Variants in LRRTM4 observed in about 807,000 individuals in gnomAD.
LRRTM4 encodes leucine-rich repeat transmembrane neuronal protein 4.
In LRRTM4, 25 loss-of-function variants were observed where a neutral mutation model predicts 47.6. The observed-to-expected ratio is 0.53, with a 90% CI of 0.38 to 0.73. LRRTM4 has a LOEUF of 0.73. LRRTM4 is among the 30% of genes least tolerant of loss of function. The probability of loss-of-function intolerance (pLI) is 0.00; values close to 1 mark genes in which losing one functional copy is unlikely to be tolerated. For synonymous variants in LRRTM4, 311 were observed against 269.5 expected (o/e 1.15, Z -1.51); for missense variants, 638 against 713.4 (o/e 0.89, Z 1.20).
rs1355344280 is a variant in LRRTM4 at position 76,954,004 on chromosome 2, T to A, written c.1552-205088A>T. Among the ~76,000 whole-genome samples the A allele has an allele frequency of 2.6e-5, 4 of 151,808 alleles. No homozygotes were observed. The South Asian group carries it at 8.3e-4, about 31-fold the overall frequency. ...AAGCCTCTTCAACAGAGAAACTACG[T>A]GCACAAGCCTGGAGAAAAGACCACA... On this transcript the variant is annotated intron_variant, in intron 3 of 3. Transcript: ENST00000409884.
chr2:77,223,985 C>A (rs1558641709), intron 3 of LRRTM4, among the ~76,000 whole-genome samples: 1 of 152,012 alleles, frequency 6.6e-6, no homozygotes, highest in African/African-American at 2.4e-5. Context: ...GTAACCAAAA[C>A]AGCATGGTAC....
chr2:77,293,093 C>G (rs1474549851), intron 3 of LRRTM4, among the ~76,000 whole-genome samples: 5 of 151,864 alleles, frequency 3.3e-5, no homozygotes, highest in Admixed American at 2.0e-4. Context: ...GTCAAATTCT[C>G]TTGGAAATGT....
chr2:77,108,695 T>C (rs939511414), intron 3 of LRRTM4, among the ~76,000 whole-genome samples: 1 of 151,394 alleles, frequency 6.6e-6, no homozygotes, highest in Non-Finnish European at 1.5e-5. Context: ...GCCATTCTCC[T>C]GCCTCAGCCT....
At chr2:77,260,476 G>A (rs1675891067) in intron 3 of LRRTM4, among the ~76,000 whole-genome samples, 1 of 151,226 alleles carries the variant, frequency 6.6e-6, no homozygotes, top group Non-Finnish European at 1.5e-5. Flanking sequence ...CTATACAAGT[G>A]GATAACAATA....
chr2:76,892,424 C>T (rs545576652), intron 3 of LRRTM4, among the ~76,000 whole-genome samples: 5 of 151,476 alleles, frequency 3.3e-5, no homozygotes, highest in Admixed American at 2.6e-4. Context: ...TGCCCTGCAC[C>T]GTTTTATATG....
Position 76,801,379 on chromosome 2 carries a change from T to C in LRRTM4, c.1552-52463A>G, listed in dbSNP as rs536641993. ...GTCCTTTGTAGGGACATGGATGAAA[T>C]TGGAAATCATCATTCTCAGTAAACT... On this transcript the variant is annotated intron_variant, in intron 3 of 3. Transcript: ENST00000409884. Among the ~76,000 whole-genome samples, 6 of 151,800 alleles carry C rather than the reference T, an allele frequency of 4.0e-5. No homozygotes were observed. The South Asian group carries it at 8.3e-4, about 21-fold the overall frequency.
intron 3 of LRRTM4, among the ~76,000 whole-genome samples, chr2:76,858,836 T>C (rs1179930855): frequency 1.3e-5 from 2 of 152,206 alleles, no homozygotes. Context: ...TAATTTAATT[T>C]AGATCTGAGT....
intron 3 of LRRTM4, among the ~76,000 whole-genome samples, chr2:77,449,904 G>T (rs1336592709): frequency 1.3e-5 from 2 of 152,186 alleles, no homozygotes; most frequent in Non-Finnish European, 2.9e-5. Context: ...ACCAGCCAGA[G>T]TCAGTTTTTC....
intron 3 of LRRTM4, among the ~76,000 whole-genome samples, chr2:77,318,145 T>C (rs1336259401): frequency 4.0e-5 from 6 of 151,698 alleles, no homozygotes; most frequent in Non-Finnish European, 8.8e-5. Context: ...TAGCTGGGAC[T>C]ACAGGCGCCC....
chr2:77,351,280 A>T (rs191262355), intron 3 of LRRTM4, among the ~76,000 whole-genome samples: 4 of 152,174 alleles, frequency 2.6e-5, no homozygotes, highest in Admixed American at 2.0e-4. Flanking sequence ...GTAGGAAAAA[A>T]AAAAACACAT....
intron 3 of LRRTM4, among the ~76,000 whole-genome samples, chr2:76,956,838 A>G (rs950573028): frequency 1.3e-5 from 2 of 151,568 alleles, no homozygotes; most frequent in Non-Finnish European, 3.0e-5. Context: ...TGAATAATCT[A>G]AAAGAAATGG....
chr2:76,788,565 G>C (rs1200116971), intron 3 of LRRTM4, among the ~76,000 whole-genome samples: 3 of 152,174 alleles, frequency 2.0e-5, no homozygotes, highest in Admixed American at 6.6e-5. Context: ...AAAAATAAGA[G>C]AGATAATTTC....
chr2:77,149,677 A>G (rs1287921544), intron 3 of LRRTM4, among the ~76,000 whole-genome samples: 1 of 152,208 alleles, frequency 6.6e-6, no homozygotes, highest in Non-Finnish European at 1.5e-5. Flanking sequence ...TACTCAGGGA[A>G]AATTGTCAGT....
At chr2:77,161,750 C>T (rs1380774130) in intron 3 of LRRTM4, among the ~76,000 whole-genome samples, 1 of 152,096 alleles carries the variant, frequency 6.6e-6, no homozygotes, top group African/African-American at 2.4e-5. Context: ...TGTAGGTAAA[C>T]TCTTAATTTT....
chr2:77,289,298 A>T (rs1452165106), intron 3 of LRRTM4, among the ~76,000 whole-genome samples: 1 of 152,056 alleles, frequency 6.6e-6, no homozygotes, highest in Non-Finnish European at 1.5e-5. Context: ...TTTAAAAGGA[A>T]AATTTGAAAG....
chr2:77,304,774 G>T (rs1229178598), intron 3 of LRRTM4, among the ~76,000 whole-genome samples: 1 of 151,886 alleles, frequency 6.6e-6, no homozygotes. Flanking sequence ...AGGTGAAATT[G>T]GTATTATTAT....
chr2:77,001,615 T>C (rs17334254), intron 3 of LRRTM4, among the ~76,000 whole-genome samples: 21,324 of 152,116 alleles, frequency 0.14, 1,608 homozygotes, highest in Admixed American at 0.2. Flanking sequence ...TTTATCCTTA[T>C]AGCCACTTTT....
At chr2:77,203,785 C>T (rs753770889) in intron 3 of LRRTM4, among the ~76,000 whole-genome samples, 2 of 152,058 alleles carry the variant, frequency 1.3e-5, no homozygotes, top group Non-Finnish European at 2.9e-5. Context: ...ACCTCTGTGT[C>T]AAGAAACTTT....
Position 77,519,581 on chromosome 2 carries a change from G to A in LRRTM4, c.288C>T (p.Tyr96=). ...ATGCATCTTCATCCACTGAGCTAATGTAATTATGGTCAAGATAAAGCCATA... is the reference window on the plus strand; with the variant it reads ...ATGCATCTTCATCCACTGAGCTAATATAATTATGGTCAAGATAAAGCCATA... ...QLIWLYLDHN[Y]ISSVDEDAFQ... is the part of the protein sequence containing the mutation. Residue 96 remains tyrosine, a synonymous_variant, in exon 3 of 4, where the codon TAC becomes TAT. Coordinates refer to ENST00000409884, the MANE Select transcript of LRRTM4 (RefSeq NM_001134745.3). The surrounding 1 kb of genome is among the most constrained non-coding windows in gnomAD (Gnocchi z 4.6). 6.2e-7 allele frequency: 1 copy of A among 1,613,472 alleles called. No individual in the cohort carries two copies. Among genetic ancestry groups the A allele is most frequent in the Non-Finnish European group, 8.5e-7 (1 of 1,179,642 alleles).
Sources: gnomAD v4.1 joint callset for allele counts (sites outside exome capture counted in the v4.1 genomes callset) on GRCh38, gnomAD v4.1.1 for gene constraint, Gnocchi (gnomAD v3.1) non-coding constraint, MANE v1.5 for transcripts, NCBI Gene and HGNC (gene_info 2026-07-23, HGNC 2026-07-21) for gene names.